UBE2J1: variants seen among roughly 807,000 people sequenced by gnomAD.
The protein encoded by UBE2J1 is ubiquitin conjugating enzyme E2 J1, also known as ubiquitin-conjugating enzyme E2 J1.
Under a neutral mutation model 42.1 loss-of-function variants are expected in UBE2J1, and 17 were observed. That is an observed-to-expected ratio of 0.40 (90% confidence interval 0.28 to 0.61). The LOEUF (loss-of-function observed/expected upper bound fraction) is 0.61, where lower values mean the gene tolerates loss of function less well. Ranked by LOEUF, UBE2J1 falls within the 20% of genes least tolerant of loss-of-function variation. UBE2J1 has a pLI of 0.38. For synonymous variants in UBE2J1, 127 were observed against 137.2 expected (o/e 0.93, Z 0.52); for missense variants, 291 against 389.4 (o/e 0.75, Z 2.13).
At chr6:89,336,031 C>T (rs1333234365) in intron 5 of UBE2J1, among the ~76,000 whole-genome samples, 1 of 152,008 alleles carries the variant, frequency 6.6e-6, no homozygotes, top group African/African-American at 2.4e-5. Flanking sequence ...CCATTTTTCC[C>T]TTTGTATTCC....
chr6:89,338,768 C>T (rs1768169152), intron 3 of UBE2J1, among the ~76,000 whole-genome samples: 1 of 149,934 alleles, frequency 6.7e-6, no homozygotes, highest in Non-Finnish European at 1.5e-5. Context: ...CGGGTTCACG[C>T]CATTCTCCTG....
chr6:89,337,485 G>A (rs187054265), intron 5 of UBE2J1, among the ~76,000 whole-genome samples: 1 of 152,076 alleles, frequency 6.6e-6, no homozygotes, highest in East Asian at 1.9e-4. Context: ...ATCTGTAGAG[G>A]GCCTACTCTG....
At position 89,333,072 on chromosome 6, in the gene UBE2J1, G is replaced by C; in HGVS notation, c.678+14C>G. ...ATAGAGACATACATATATATTAAAA[G>C]ATAAGAGCCATACCGATGTACTGGC... On this transcript the variant is annotated intron_variant, in intron 7 of 7. Transcript: ENST00000435041. 1 of 1,590,254 alleles carries C rather than the reference G, an allele frequency of 6.3e-7. No homozygotes were observed. The highest frequency in any genetic ancestry group is 8.5e-7 in the Non-Finnish European group (1 of 1,170,594).
At chr6:89,343,655 T>C (rs768994902) in intron 2 of UBE2J1, 28 bp downstream of exon 2, 22 of 1,546,380 alleles carry the variant, frequency 1.4e-5, no homozygotes, top group South Asian at 2.4e-5. Context: ...TTAAAATCCA[T>C]ATGAAGAACA....
At chr6:89,342,285 A>G (rs1768259183) in intron 3 of UBE2J1, 39 bp downstream of exon 3, 1 of 1,606,796 alleles carries the variant, frequency 6.2e-7, no homozygotes, top group African/African-American at 1.3e-5. Flanking sequence ...TACCAGGAAG[A>G]GTGAAGCCAC....
intron 3 of UBE2J1, 129 bp from the exon 4 acceptor site, chr6:89,338,672 T>TGG: frequency 4.0e-6 from 1 of 252,300 alleles, no homozygotes; most frequent in East Asian, 8.8e-5. Context: ...TTTTTTTTTT[T>TGG]TTTTTTTTTT....
chr6:89,327,603 G>A lies in UBE2J1; in HGVS notation c.*2076C>T, dbSNP rs1463947430. 2 of 152,210 alleles carry A rather than the reference G, an allele frequency of 1.3e-5. No individual in the cohort carries two copies. Among genetic ancestry groups the A allele is most frequent in the Admixed American group, 1.3e-4 (2 of 15,274 alleles). The allele number at this position is 152,210 out of a possible 1,614,324, so 9.4% of individuals were successfully genotyped here. Reference sequence around the variant, plus strand: ...ACAAGCAGGTGGCTAGCTGACAGGTGGGGGAAGAGATGCAAGTCAGATAGC... The same window carrying A: ...ACAAGCAGGTGGCTAGCTGACAGGTAGGGGAAGAGATGCAAGTCAGATAGC... On this transcript the variant is annotated 3_prime_UTR_variant, in exon 8 of 8. Coordinates refer to ENST00000435041, the MANE Select transcript of UBE2J1 (RefSeq NM_016021.3).
At chr6:89,337,947 C>T (rs1264373285) in intron 5 of UBE2J1, among the ~76,000 whole-genome samples, 1 of 152,114 alleles carries the variant, frequency 6.6e-6, no homozygotes, top group African/African-American at 2.4e-5. Flanking sequence ...GAATATATCT[C>T]CCACTGAATT....
chr6:89,352,546 CTT>C lies in UBE2J1; in HGVS notation c.22_23del (p.Lys8GlufsTer5). The C allele has an allele frequency of 2.5e-6, 4 of 1,571,858 alleles. No individual in the cohort carries two copies. The highest frequency in any genetic ancestry group is 3.4e-6 in the Non-Finnish European group (4 of 1,165,218). ...GGCCCCAGCCCTGCTCACCCGGACT[CTT>C]CAGGTTGTAGCGGGTCTCCATGGTG... METRYNL[K>X]SPAVKRLMKE... On this transcript the variant is annotated frameshift_variant, in exon 1 of 8. Coordinates refer to ENST00000435041, the MANE Select transcript of UBE2J1 (RefSeq NM_016021.3). LOFTEE classifies it high-confidence loss of function.
chr6:89,333,543 G>A (rs189174149), intron 6 of UBE2J1, among the ~76,000 whole-genome samples: 156 of 152,310 alleles, frequency 1.0e-3, no homozygotes, highest in Non-Finnish European at 1.6e-3. Flanking sequence ...GTGAACCTAT[G>A]AATAGTCTTT....
chr6:89,334,710 C>T (rs1010091947), intron 6 of UBE2J1, among the ~76,000 whole-genome samples: 1 of 150,672 alleles, frequency 6.6e-6, no homozygotes, highest in Non-Finnish European at 1.5e-5. Context: ...TCAGGTGATC[C>T]GCCCGCCTTG....
intron 2 of UBE2J1, among the ~76,000 whole-genome samples, chr6:89,342,680 T>C (rs187833188): frequency 2.0e-4 from 30 of 152,330 alleles, no homozygotes; most frequent in Admixed American, 9.8e-4. Flanking sequence ...AAATATTTTA[T>C]AATAAACACA....
rs1409096719 is a variant in UBE2J1, at chr6:89,329,394, AT to A, written c.*284del. On this transcript the variant is annotated 3_prime_UTR_variant, in exon 8 of 8. Transcript: ENST00000435041. ...AGGGCAATATAGGAAAGTATTACAA[AT>A]TTACATAAAAAGAAGATGAAACATG... 1 of 392,152 alleles carries A rather than the reference AT, an allele frequency of 2.6e-6. No homozygotes were observed. Among genetic ancestry groups the A allele is most frequent in the Non-Finnish European group, 4.6e-6 (1 of 216,868 alleles). The allele number at this position is 392,152 out of a possible 1,614,324, so 24.3% of individuals were successfully genotyped here. A position where few individuals can be genotyped will look rare whatever the true frequency, so the allele number is the denominator to read the frequency against.
intron 1 of UBE2J1, 132 bp from the exon 2 acceptor site, chr6:89,343,888 A>C (rs1026892186): frequency 6.7e-6 from 4 of 596,968 alleles, no homozygotes; most frequent in Non-Finnish European, 1.1e-5. Context: ...TTTAATTATA[A>C]GATTATGGGA....
rs1272245363 is a variant in UBE2J1 at position 89,328,065 on chromosome 6, T to G, written c.*1614A>C. The stretch of plus-strand genomic sequence containing the variant: ...TCAGCTACAGATATAAAAAATAATC[T>G]GTAAACACCTTTAAAATGCGAATTT... On this transcript the variant is annotated 3_prime_UTR_variant, in exon 8 of 8. Coordinates refer to ENST00000435041, the MANE Select transcript of UBE2J1 (RefSeq NM_016021.3). 1 of 152,236 alleles carries G rather than the reference T, an allele frequency of 6.6e-6. No homozygotes were observed. The highest frequency in any genetic ancestry group is 1.5e-5 in the Non-Finnish European group (1 of 68,044). 9.4% of individuals were successfully genotyped at this position (152,236 alleles called of 1,614,324 possible). A position where few individuals can be genotyped will look rare whatever the true frequency, so the allele number is the denominator to read the frequency against.
intron 5 of UBE2J1, among the ~76,000 whole-genome samples, chr6:89,337,052 G>C (rs1051676531): frequency 6.6e-6 from 1 of 151,922 alleles, no homozygotes; most frequent in African/African-American, 2.4e-5. Context: ...TTTTACCCAG[G>C]CTGGTCTCGA....
intron 1 of UBE2J1, among the ~76,000 whole-genome samples, chr6:89,352,275 C>G (rs1290165556): frequency 6.6e-6 from 1 of 152,214 alleles, no homozygotes; most frequent in Admixed American, 6.5e-5. Flanking sequence ...TCTGACCCAG[C>G]TCTACGGGAC....
chr6:89,333,260 T>G (rs1768044516), intron 6 of UBE2J1, 55 bp from the exon 7 acceptor site: 2 of 1,550,580 alleles, frequency 1.3e-6, no homozygotes, highest in South Asian at 2.5e-5. Flanking sequence ...ACAGGAAACA[T>G]ACACAATCTA....
At chr6:89,342,822 A>G (rs1325880378) in intron 2 of UBE2J1, among the ~76,000 whole-genome samples, 1 of 152,236 alleles carries the variant, frequency 6.6e-6, no homozygotes, top group African/African-American at 2.4e-5. Flanking sequence ...TTATTTTAAC[A>G]AATCTTTAAA....
Sources: allele counts gnomAD v4.1 joint callset (sites outside exome capture counted in the v4.1 genomes callset), GRCh38; gene constraint gnomAD v4.1.1; transcripts MANE v1.5; gene names NCBI Gene and HGNC (gene_info 2026-07-23, HGNC 2026-07-21).